Variants in TRIM55 observed in about 807,000 individuals in gnomAD.
TRIM55 encodes the protein tripartite motif-containing protein 55.
Under a neutral mutation model 60.9 loss-of-function variants are expected in TRIM55, and 50 were observed. That is an observed-to-expected ratio of 0.82 (90% confidence interval 0.65 to 1.04). The LOEUF is 1.04. Among genes scored for constraint, TRIM55 ranks in the 50% least tolerant of loss-of-function variants. The pLI, the probability that TRIM55 is intolerant of heterozygous loss-of-function variation, is 0.00. For synonymous variants in TRIM55, 237 were observed against 238.1 expected (o/e 1.00, Z 0.04); for missense variants, 681 against 666.9 (o/e 1.02, Z -0.23).
intron 4 of TRIM55, among the ~76,000 whole-genome samples, chr8:66,139,771 T>C (rs1174229315): frequency 6.6e-6 from 1 of 152,228 alleles, no homozygotes; most frequent in Non-Finnish European, 1.5e-5. Context: ...TACCTGTTTA[T>C]TTCATTTCTT....
chr8:66,159,727 G>T (rs1810943607), intron 9 of TRIM55, among the ~76,000 whole-genome samples: 1 of 152,102 alleles, frequency 6.6e-6, no homozygotes, highest in South Asian at 2.1e-4. Flanking sequence ...TCATATTTCA[G>T]CTATTCTGGG....
intron 9 of TRIM55, among the ~76,000 whole-genome samples, chr8:66,156,576 G>A (rs1478541441): frequency 6.6e-6 from 1 of 152,056 alleles, no homozygotes; most frequent in Non-Finnish European, 1.5e-5. Context: ...CAACTTCCAT[G>A]TACTTTTGTG....
rs1810488483 is a variant in TRIM55, at chr8:66,152,473, A to G, written c.1082A>G (p.Asn361Ser). 1 of 1,614,058 alleles carries G rather than the reference A, an allele frequency of 6.2e-7. No individual in the cohort carries two copies. The highest frequency in any genetic ancestry group is 1.7e-5 in the Admixed American group (1 of 60,002). Residue 361 changes from asparagine (N) to serine (S), a missense_variant, in exon 8 of 10, where the codon AAT becomes AGT. Asn to Ser is a conservative substitution (Grantham distance 46, BLOSUM62 1). Coordinates refer to ENST00000315962, the MANE Select transcript of TRIM55 (RefSeq NM_184085.2). ...GCAGTAGAAGTGGAAGAGGTAGAAA[A>G]TGTTCAAACAGAGTTTCCAGGAGAA... ...GEAVEVEEVE[N>S]VQTEFPGEDE... is the part of the protein sequence containing the mutation.
At chr8:66,120,045 T>G in the TRIM55 span, among the ~76,000 whole-genome samples, 11 of 152,268 alleles carry the variant, frequency 7.2e-5, no homozygotes, top group Admixed American at 2.6e-4. Context: ...TGTCTCTCAG[T>G]GTGCATCACA....
chr8:66,160,865 TG>T (rs778721303), intron 9 of TRIM55, among the ~76,000 whole-genome samples: 3,787 of 148,396 alleles, frequency 0.026, 54 homozygotes, highest in Non-Finnish European at 0.038. Context: ...TTGATGGGAT[TG>T]TTTTTTTTTT....
intron 2 of TRIM55, among the ~76,000 whole-genome samples, chr8:66,131,089 A>G (rs1809128201): frequency 6.6e-6 from 1 of 152,160 alleles, no homozygotes; most frequent in Non-Finnish European, 1.5e-5. Context: ...TAACTTTAAA[A>G]TATAACAAGT....
At chr8:66,113,738 G>A in the TRIM55 span, 1 of 360,554 alleles carries the variant, frequency 2.8e-6, no homozygotes, top group African/African-American at 2.2e-5. Context: ...CCCGGGCCCC[G>A]AGTCACACAG....
intron 4 of TRIM55, among the ~76,000 whole-genome samples, chr8:66,139,501 T>C (rs1435352446): frequency 6.6e-6 from 1 of 152,186 alleles, no homozygotes; most frequent in African/African-American, 2.4e-5. Flanking sequence ...GAAGTGCTGT[T>C]TTTATTCACC....
At chr8:66,115,210 A>G in the TRIM55 span, 1 of 152,232 alleles carries the variant, frequency 6.6e-6, no homozygotes, top group Non-Finnish European at 1.5e-5. Context: ...GTCCTAGGCA[A>G]CCTGTATGCT....
chr8:66,161,917 T>C (rs1022038942), intron 9 of TRIM55, among the ~76,000 whole-genome samples: 3 of 152,110 alleles, frequency 2.0e-5, no homozygotes, highest in African/African-American at 7.2e-5. Context: ...TAGAGCTTTT[T>C]GGATGAGTCA....
chr8:66,127,169 G>A lies in TRIM55; in HGVS notation c.-100G>A. On this transcript the variant is annotated 5_prime_UTR_variant, in exon 1 of 10. Coordinates refer to ENST00000315962, the MANE Select transcript of TRIM55 (RefSeq NM_184085.2). ...GTCCTCCACCGAGAGAAACGTAAAG[G>A]ACACTTGATCACACAATCCCTGGAA... is the stretch of plus-strand genomic sequence containing the variant. The A allele has an allele frequency of 7.7e-7, 1 of 1,296,490 alleles. No homozygotes were observed. Among genetic ancestry groups the A allele is most frequent in the Non-Finnish European group, 1.1e-6 (1 of 940,808 alleles). 80.3% of individuals were successfully genotyped at this position (1,296,490 alleles called of 1,614,324 possible). A position where few individuals can be genotyped will look rare whatever the true frequency, so the allele number is the denominator to read the frequency against.
the TRIM55 span, among the ~76,000 whole-genome samples, chr8:66,120,394 T>C: frequency 1.3e-5 from 2 of 152,050 alleles, no homozygotes. Context: ...TTTATGCTAA[T>C]GAGATAACTA....
chr8:66,150,471 G>T lies in TRIM55; in HGVS notation c.985+5G>T. ...GTGAAATTGACTTTTACAGAGGTTTGTTATTCTTTTGACCATTTGGCCGAA... is the reference window on the plus strand; with the variant it reads ...GTGAAATTGACTTTTACAGAGGTTTTTTATTCTTTTGACCATTTGGCCGAA... On this transcript the variant is annotated splice_donor_5th_base_variant and intron_variant, in intron 7 of 9. Transcript: ENST00000315962. The T allele has an allele frequency of 6.2e-7, 1 of 1,613,830 alleles. No homozygotes were observed. The highest frequency in any genetic ancestry group is 8.5e-7 in the Non-Finnish European group (1 of 1,179,898).
chr8:66,161,649 T>C (rs1811056583), intron 9 of TRIM55, among the ~76,000 whole-genome samples: 1 of 152,042 alleles, frequency 6.6e-6, no homozygotes, highest in Admixed American at 6.5e-5. Flanking sequence ...TCCATGAGCA[T>C]GGGATGTGTT....
chr8:66,171,509 G>A (rs1461288752), intron 9 of TRIM55, among the ~76,000 whole-genome samples: 1 of 152,056 alleles, frequency 6.6e-6, no homozygotes, highest in African/African-American at 2.4e-5. Context: ...ACTGTAATAT[G>A]GACTATCAAT....
upstream of TRIM55, chr8:66,126,949 A>C (rs1158437986): frequency 8.7e-6 from 2 of 230,104 alleles, no homozygotes; most frequent in African/African-American, 4.5e-5. Flanking sequence ...ACCCCGTCTA[A>C]ATGGGGTTTG....
At chr8:66,128,219 T>C (rs1305675226) in intron 1 of TRIM55, 85 bp from the exon 2 acceptor site, 1 of 1,275,476 alleles carries the variant, frequency 7.8e-7, no homozygotes. Context: ...TTCATGTTGT[T>C]TGTAGTAGCA....
intron 9 of TRIM55, among the ~76,000 whole-genome samples, chr8:66,164,659 A>G (rs1811222569): frequency 6.6e-6 from 1 of 152,202 alleles, no homozygotes; most frequent in South Asian, 2.1e-4. Context: ...AGCCTCAGGA[A>G]CAAAGTGGGT....
At chr8:66,123,169 CTT>C (rs902901967), upstream of TRIM55, among the ~76,000 whole-genome samples, 1 of 152,204 alleles carries the variant, frequency 6.6e-6, no homozygotes, top group African/African-American at 2.4e-5. Flanking sequence ...TATCTTAACT[CTT>C]TTAACCAACT....
Sources: gnomAD v4.1 joint callset for allele counts (sites outside exome capture counted in the v4.1 genomes callset) on GRCh38, gnomAD v4.1.1 for gene constraint, MANE v1.5 for transcripts, NCBI Gene and HGNC (gene_info 2026-07-23, HGNC 2026-07-21) for gene names.